Variants in ZBTB20 observed in about 807,000 individuals in gnomAD.
ZBTB20 encodes the protein zinc finger and BTB domain containing 20, also known as zinc finger and BTB domain-containing protein 20.
In ZBTB20, 9 loss-of-function variants were observed where a neutral mutation model predicts 56.9. The observed-to-expected ratio is 0.16, with a 90% CI of 0.10 to 0.28. The LOEUF (loss-of-function observed/expected upper bound fraction) is 0.28, where lower values mean the gene tolerates loss of function less well. ZBTB20 is among the 10% of genes least tolerant of loss of function. ZBTB20 has a pLI of 1.00. For synonymous variants in ZBTB20, 417 were observed against 420.7 expected, an observed-to-expected ratio of 0.99 and a Z score of 0.11; for missense variants, 655 against 1,003.0, an observed-to-expected ratio of 0.65 and a Z score of 4.69.
At chr3:114,910,077 G>GA (rs1020589823) in intron 3 of ZBTB20, among the ~76,000 whole-genome samples, 3 of 151,492 alleles carry the variant, frequency 2.0e-5, no homozygotes, top group Admixed American at 6.6e-5. Context: ...AAATTAAAAA[G>GA]AAAAAACAAA....
chr3:114,509,243 C>T (rs1295333238), intron 6 of ZBTB20, among the ~76,000 whole-genome samples: 1 of 152,132 alleles, frequency 6.6e-6, no homozygotes, highest in Non-Finnish European at 1.5e-5. Context: ...TGGGGATACT[C>T]TTAGTGAGCT....
chr3:114,385,337 C>G (rs1446484350), intron 8 of ZBTB20, among the ~76,000 whole-genome samples: 1 of 152,094 alleles, frequency 6.6e-6, no homozygotes, highest in East Asian at 1.9e-4. Context: ...AGCGGAACTG[C>G]GCTCCACTAC....
In ZBTB20 at chr3:114,328,685, C is replaced by T. The variant is rs1227794004; in HGVS notation, c.*10320G>A. ...ATGAAGACATGCTTCACTCTGCCTACGAGTCTCAAGTTTATGAACTCACTC... is the reference window on the plus strand; with the variant it reads ...ATGAAGACATGCTTCACTCTGCCTATGAGTCTCAAGTTTATGAACTCACTC... On this transcript the variant is annotated 3_prime_UTR_variant, in exon 12 of 12. Coordinates refer to ENST00000675478, the MANE Select transcript of ZBTB20 (RefSeq NM_001348800.3). 2 of 152,056 alleles carry T rather than the reference C, an allele frequency of 1.3e-5. No homozygotes were observed. The highest frequency in any genetic ancestry group is 2.9e-5 in the Non-Finnish European group (2 of 68,016). The allele number at this position is 152,056 out of a possible 1,614,324, so 9.4% of individuals were successfully genotyped here. A position where few individuals can be genotyped will look rare whatever the true frequency, so the allele number is the denominator to read the frequency against.
chr3:115,133,318 T>C (rs1311654310), intron 1 of ZBTB20, among the ~76,000 whole-genome samples: 2 of 152,234 alleles, frequency 1.3e-5, no homozygotes, highest in African/African-American at 4.8e-5. Flanking sequence ...TCCAGTTTTT[T>C]CTTCTTTTTC....
chr3:114,951,002 G>A (rs2077048084), intron 3 of ZBTB20, among the ~76,000 whole-genome samples: 1 of 152,108 alleles, frequency 6.6e-6, no homozygotes, highest in African/African-American at 2.4e-5. Context: ...AATATTAGAA[G>A]TCATGATAGT....
chr3:115,134,903 T>C (rs889707824), intron 1 of ZBTB20, among the ~76,000 whole-genome samples: 3 of 152,226 alleles, frequency 2.0e-5, no homozygotes, highest in Non-Finnish European at 2.9e-5. Context: ...CAAAGGCACA[T>C]GGACAAAGAG....
intron 4 of ZBTB20, among the ~76,000 whole-genome samples, chr3:114,870,783 C>G (rs1239028956): frequency 1.3e-5 from 2 of 152,124 alleles, no homozygotes; most frequent in East Asian, 3.9e-4. Flanking sequence ...CATGGACAAC[C>G]ACTTTGCATC....
intron 5 of ZBTB20, among the ~76,000 whole-genome samples, chr3:114,751,630 G>GGT (rs1560207216): frequency 6.6e-6 from 1 of 152,022 alleles, no homozygotes; most frequent in Non-Finnish European, 1.5e-5. Flanking sequence ...AATAAAGAAA[G>GGT]GTGGCACTAT....
At chr3:114,882,012 A>C (rs1168598235) in intron 4 of ZBTB20, among the ~76,000 whole-genome samples, 2 of 151,876 alleles carry the variant, frequency 1.3e-5, no homozygotes, top group African/African-American at 4.8e-5. Flanking sequence ...CATATACAAA[A>C]CTCAAAAAGC....
At position 114,787,551 on chromosome 3, in the gene ZBTB20, T is replaced by C. The variant is rs771809381; in HGVS notation, c.-343+13550A>G. ...ACAAAACTATAATGATAAAAAGATC[T>C]GTGGTTGCCATGAGTTAGTGGTGAG... is the stretch of plus-strand genomic sequence containing the variant. On this transcript the variant is annotated intron_variant, in intron 5 of 11. Transcript: ENST00000675478. 2.7e-4 allele frequency among the ~76,000 whole-genome samples: 41 copies of C among 151,648 alleles called. 1 individual carries two copies. The highest frequency in any genetic ancestry group is 5.9e-5 in the Non-Finnish European group (4 of 67,924).
At chr3:114,705,514 A>G (rs1301540308) in intron 5 of ZBTB20, among the ~76,000 whole-genome samples, 2 of 152,194 alleles carry the variant, frequency 1.3e-5, no homozygotes. Context: ...GACCACAAGA[A>G]GGCAAAGGGA....
chr3:114,756,730 C>A (rs755055652), intron 5 of ZBTB20, among the ~76,000 whole-genome samples: 8 of 152,052 alleles, frequency 5.3e-5, no homozygotes, highest in Non-Finnish European at 1.2e-4. Flanking sequence ...TGAGAATGAT[C>A]CAGCCAGTCT....
chr3:114,494,160 A>G (rs1329536998), intron 7 of ZBTB20, among the ~76,000 whole-genome samples: 2 of 152,218 alleles, frequency 1.3e-5, no homozygotes, highest in Non-Finnish European at 2.9e-5. Flanking sequence ...CAAGCACTCA[A>G]TAGGTATTTC....
intron 6 of ZBTB20, among the ~76,000 whole-genome samples, chr3:114,513,872 T>C (rs1382187226): frequency 1.3e-5 from 2 of 151,262 alleles, no homozygotes; most frequent in Admixed American, 1.3e-4. Context: ...TACCTCTTTA[T>C]TATAACAAAA....
intron 4 of ZBTB20, among the ~76,000 whole-genome samples, chr3:114,862,901 T>A (rs1209890871): frequency 6.6e-6 from 1 of 152,162 alleles, no homozygotes; most frequent in Non-Finnish European, 1.5e-5. Flanking sequence ...TACAATAAAG[T>A]TCATTTATTC....
chr3:114,821,772 G>T (rs922132723), intron 4 of ZBTB20, among the ~76,000 whole-genome samples: 3 of 152,060 alleles, frequency 2.0e-5, no homozygotes, highest in African/African-American at 7.2e-5. Context: ...CCTGGAAAGT[G>T]CCTTTTTGCA....
intron 5 of ZBTB20, among the ~76,000 whole-genome samples, chr3:114,698,850 C>T (rs1015844640): frequency 6.6e-6 from 1 of 152,116 alleles, no homozygotes; most frequent in African/African-American, 2.4e-5. Context: ...GGTATGCACA[C>T]AGTTGTATAC....
chr3:114,840,347 A>G (rs1241563573), intron 4 of ZBTB20, among the ~76,000 whole-genome samples: 1 of 152,246 alleles, frequency 6.6e-6, no homozygotes, highest in Non-Finnish European at 1.5e-5. Context: ...CATTTTAGCA[A>G]GGTATTAATT....
At chr3:114,870,321 C>T (rs1037681016) in intron 4 of ZBTB20, among the ~76,000 whole-genome samples, 1 of 150,990 alleles carries the variant, frequency 6.6e-6, no homozygotes, top group African/African-American at 2.4e-5. Context: ...CATCTGACCC[C>T]TATCAAGTAA....
Sources: allele counts gnomAD v4.1 joint callset (sites outside exome capture counted in the v4.1 genomes callset), GRCh38; gene constraint gnomAD v4.1.1; transcripts MANE v1.5; gene names NCBI Gene and HGNC (gene_info 2026-07-23, HGNC 2026-07-21).